The following COG6 variants were observed in gnomAD, a reference collection of about 807,000 sequenced individuals.
The protein encoded by COG6 is component of oligomeric golgi complex 6.
Under a neutral mutation model 88.8 loss-of-function variants are expected in COG6, and 74 were observed. The observed-to-expected ratio is 0.83, with a 90% CI of 0.69 to 1.01. The LOEUF is 1.01. COG6 is among the 50% of genes least tolerant of loss of function. The probability of loss-of-function intolerance (pLI) is 0.00; values close to 1 mark genes in which losing one functional copy is unlikely to be tolerated. For missense variants in COG6, 800 were observed against 797.9 expected (o/e 1.00, Z -0.03); for synonymous variants, 286 against 278.7 (o/e 1.03, Z -0.26).
At chr13:39,685,523 GA>G (rs1227883996) in intron 8 of COG6, among the ~76,000 whole-genome samples, 1 of 152,084 alleles carries the variant, frequency 6.6e-6, no homozygotes, top group Non-Finnish European at 1.5e-5. Context: ...AGATTCACTG[GA>G]TTCTGTTACA....
chr13:39,715,055 G>T (rs934039177), intron 13 of COG6, among the ~76,000 whole-genome samples: 1 of 152,070 alleles, frequency 6.6e-6, no homozygotes, highest in Admixed American at 6.6e-5. Flanking sequence ...AGACTCAGAA[G>T]GGGGAGAGGA....
chr13:39,760,717 C>T (rs1224461487), intron 18 of COG6, among the ~76,000 whole-genome samples: 1 of 152,022 alleles, frequency 6.6e-6, no homozygotes, highest in Non-Finnish European at 1.5e-5. Context: ...TTTGTAACCT[C>T]AGGTCTTTGG....
At chr13:39,715,469 A>T (rs908543721) in intron 13 of COG6, among the ~76,000 whole-genome samples, 3 of 152,000 alleles carry the variant, frequency 2.0e-5, no homozygotes, top group Admixed American at 6.6e-5. Context: ...TTGGGAACTG[A>T]CACATAACGT....
At chr13:39,714,753 A>G (rs188649285) in intron 13 of COG6, among the ~76,000 whole-genome samples, 9 of 152,350 alleles carry the variant, frequency 5.9e-5, no homozygotes, top group Admixed American at 1.3e-4. Flanking sequence ...CAATCCAGCA[A>G]TCCCACTACT....
intron 18 of COG6, among the ~76,000 whole-genome samples, chr13:39,733,200 T>C (rs1175935954): frequency 6.6e-6 from 1 of 150,920 alleles, no homozygotes; most frequent in Non-Finnish European, 1.5e-5. Flanking sequence ...TTTTTTTTTT[T>C]TTTTTTTGGA....
intron 18 of COG6, among the ~76,000 whole-genome samples, chr13:39,728,115 CATT>C (rs2138094213): frequency 6.6e-6 from 1 of 152,142 alleles, no homozygotes; most frequent in African/African-American, 2.4e-5. Context: ...AATTAGGCAA[CATT>C]ATCTACACAT....
At chr13:39,762,111 A>G (rs1418253176) in intron 18 of COG6, among the ~76,000 whole-genome samples, 1 of 151,970 alleles carries the variant, frequency 6.6e-6, no homozygotes, top group Non-Finnish European at 1.5e-5. Context: ...TATGGAATCA[A>G]CTTGTGTCCT....
Position 39,719,343 on chromosome 13 carries a change from T to TG in COG6, c.1393dup (p.Ala465GlyfsTer5). On this transcript the variant is annotated frameshift_variant, in exon 14 of 19. Coordinates refer to ENST00000455146, the MANE Select transcript of COG6 (RefSeq NM_020751.3). LOFTEE classifies it high-confidence loss of function. ...ACGATTCTTCAGTTGTACCATTAGA[T>TG]GCTCGTCAAGCTGATTTTGTGCAGG... The TG allele has an allele frequency of 6.2e-7, 1 of 1,612,712 alleles. No homozygotes were observed. Among genetic ancestry groups the TG allele is most frequent in the East Asian group, 2.2e-5 (1 of 44,816 alleles).
chr13:39,727,505 C>G lies in COG6; in HGVS notation c.1783C>G (p.Leu595Val), dbSNP rs138730724. ...FDRYLSAPDN[L>V]LIPQLNFLLS... is the part of the protein sequence containing the mutation. ...TCGTTATCTGTCAGCCCCAGACAAC[C>G]TATTGATACCACAGCTGAACTTTCT... Residue 595 changes from leucine to valine, a missense_variant, in exon 18 of 19, where the codon CTA becomes GTA. Leu to Val is a conservative substitution (Grantham distance 32). Transcript: ENST00000455146. 20 of 1,613,288 alleles carry G rather than the reference C, an allele frequency of 1.2e-5. No individual in the cohort carries two copies. The African/African-American group carries it at 2.7e-4, about 22-fold the overall frequency.
At chr13:39,706,527 AAGTC>A (rs1877933508) in intron 13 of COG6, among the ~76,000 whole-genome samples, 2 of 151,790 alleles carry the variant, frequency 1.3e-5, no homozygotes, top group South Asian at 2.1e-4. Context: ...TCTCTAGTAA[AAGTC>A]AGAGCACCTA....
chr13:39,772,265 A>G (rs189611372), intron 18 of COG6, among the ~76,000 whole-genome samples: 73 of 152,156 alleles, frequency 4.8e-4, no homozygotes, highest in Admixed American at 4.6e-3. Flanking sequence ...CTCCTGACCC[A>G]CTGATGACTC....
At chr13:39,683,932 G>T (rs1023169786) in intron 8 of COG6, among the ~76,000 whole-genome samples, 2 of 152,126 alleles carry the variant, frequency 1.3e-5, no homozygotes, top group Non-Finnish European at 2.9e-5. Flanking sequence ...ACCTTTATAA[G>T]CTTGTTTCCT....
chr13:39,677,567 AC>A lies in COG6; in HGVS notation c.531del (p.Ile178LeufsTer12). 1 of 1,595,998 alleles carries A rather than the reference AC, an allele frequency of 6.3e-7. No individual in the cohort carries two copies. The highest frequency in any genetic ancestry group is 8.6e-7 in the Non-Finnish European group (1 of 1,163,916). On this transcript the variant is annotated frameshift_variant, in exon 5 of 19. Coordinates refer to ENST00000455146, the MANE Select transcript of COG6 (RefSeq NM_020751.3). LOFTEE classifies it high-confidence loss of function. The stretch of plus-strand genomic sequence containing the variant: ...GTCTTCTCCGAGGTACAAGAGAAGG[AC>A]CCATTACTGAGGTATCCTGGCTTTC... ...MSLLRGTREGPITEDFFKALG... is the reference protein window; with the variant it reads ...MSLLRGTREGXITEDFFKALG...
chr13:39,719,965 A>G, intron 15 of COG6, 138 bp downstream of exon 15: 1 of 649,556 alleles, frequency 1.5e-6, no homozygotes, highest in East Asian at 2.8e-5. Context: ...AAGGACACAC[A>G]TGCATATACA....
chr13:39,768,344 A>G (rs1392939611), intron 18 of COG6, among the ~76,000 whole-genome samples: 1 of 152,090 alleles, frequency 6.6e-6, no homozygotes, highest in South Asian at 2.1e-4. Flanking sequence ...CCCTACTGCC[A>G]CTCCACAGGT....
At chr13:39,715,109 A>T (rs942186651) in intron 13 of COG6, among the ~76,000 whole-genome samples, 4 of 152,112 alleles carry the variant, frequency 2.6e-5, no homozygotes, top group African/African-American at 9.7e-5. Context: ...CACGATATAC[A>T]CTACTTGGAT....
intron 8 of COG6, among the ~76,000 whole-genome samples, chr13:39,683,377 A>G (rs1876432948): frequency 6.6e-6 from 1 of 152,184 alleles, no homozygotes. Context: ...CTGAATAGGC[A>G]TTTTCCTAGA....
In COG6 at chr13:39,751,259, G is replaced by C. The variant is rs1327580381; in HGVS notation, c.*166G>C. ...TTTTTTTGGTCTCAGTAACAGGGAA[G>C]TAAGTAACATGTTGACCTGAGCTAG... On this transcript the variant is annotated 3_prime_UTR_variant, in exon 19 of 19. Coordinates refer to ENST00000455146, the MANE Select transcript of COG6 (RefSeq NM_020751.3). 4 of 1,513,100 alleles carry C rather than the reference G, an allele frequency of 2.6e-6. No individual in the cohort carries two copies. The highest frequency in any genetic ancestry group is 4.0e-5 in the Admixed American group (2 of 50,070). 93.7% of individuals were successfully genotyped at this position (1,513,100 alleles called of 1,614,324 possible). A position where few individuals can be genotyped will look rare whatever the true frequency, so the allele number is the denominator to read the frequency against.
Position 39,679,596 on chromosome 13 carries a change from T to G in COG6, c.599T>G (p.Leu200Trp). Residue 200 changes from leucine (L) to tryptophan (W), a missense_variant, in exon 6 of 19, where the codon TTG (leucine) becomes TGG (tryptophan). Coordinates refer to ENST00000455146, the MANE Select transcript of COG6 (RefSeq NM_020751.3). ...ATTCATAATGATGTCAAAGTTCTCT[T>G]GCGTACAAATCAACAAACGGCAGGG... Reference protein sequence around the residue: ...KQIHNDVKVLLRTNQQTAGLE... With the variant: ...KQIHNDVKVLWRTNQQTAGLE... 1.9e-6 allele frequency: 3 copies of G among 1,607,610 alleles called. No homozygotes were observed. The highest frequency in any genetic ancestry group is 1.7e-4 in the Middle Eastern group (1 of 6,034).
Sources: allele counts gnomAD v4.1 joint callset (sites outside exome capture counted in the v4.1 genomes callset), GRCh38; gene constraint gnomAD v4.1.1; transcripts MANE v1.5; gene names NCBI Gene and HGNC (gene_info 2026-07-23, HGNC 2026-07-21).